JAM3: variants seen among roughly 807,000 people sequenced by gnomAD.
JAM3 encodes junctional adhesion molecule 3.
Under a neutral mutation model 39.4 loss-of-function variants are expected in JAM3, and 31 were observed. That is an observed-to-expected ratio of 0.79 (90% CI 0.59 to 1.06). The LOEUF (loss-of-function observed/expected upper bound fraction) is 1.06. Ranked by LOEUF, JAM3 falls within the 50% of genes least tolerant of loss-of-function variation. JAM3 has a pLI of 0.00. For synonymous variants in JAM3, 182 were observed against 148.7 expected, an observed-to-expected ratio of 1.22 and a Z score of -1.63; for missense variants, 455 against 391.4, an observed-to-expected ratio of 1.16 and a Z score of -1.37.
At chr11:134,109,962 G>C (rs1305113668) in intron 1 of JAM3, among the ~76,000 whole-genome samples, 1 of 152,048 alleles carries the variant, frequency 6.6e-6, no homozygotes, top group Non-Finnish European at 1.5e-5. Context: ...AGTGGGGTCT[G>C]AGTTTTTATT....
intron 1 of JAM3, among the ~76,000 whole-genome samples, chr11:134,112,080 C>T (rs1482299140): frequency 1.3e-5 from 2 of 152,094 alleles, no homozygotes; most frequent in African/African-American, 2.4e-5. Flanking sequence ...ACTTTTATTA[C>T]GGTAAAGCAA....
intron 2 of JAM3, 51 bp downstream of exon 2, chr11:134,139,967 T>C: frequency 1.4e-6 from 2 of 1,391,484 alleles, no homozygotes; most frequent in Non-Finnish European, 2.0e-6. Flanking sequence ...ACTGGACATT[T>C]GATGTCTTGC....
chr11:134,106,717 A>G (rs540781522), intron 1 of JAM3, among the ~76,000 whole-genome samples: 3 of 152,286 alleles, frequency 2.0e-5, no homozygotes. Flanking sequence ...TGCAGCCAAA[A>G]GACACATGAA....
At chr11:134,121,705 T>C (rs1942535570) in intron 1 of JAM3, among the ~76,000 whole-genome samples, 1 of 152,028 alleles carries the variant, frequency 6.6e-6, no homozygotes, top group African/African-American at 2.4e-5. Flanking sequence ...TAAAAGAAAA[T>C]GAGGGCTAAT....
chr11:134,071,506 CT>C (rs1316280567), intron 1 of JAM3, among the ~76,000 whole-genome samples: 1 of 152,164 alleles, frequency 6.6e-6, no homozygotes, highest in Non-Finnish European at 1.5e-5. Context: ...TGCAGTTCAG[CT>C]TTACAAATGT....
intron 5 of JAM3, chr11:134,145,304 T>G (rs1387815176): frequency 8.5e-6 from 4 of 468,584 alleles, no homozygotes; most frequent in Non-Finnish European, 1.6e-5. Context: ...GAAATTGGAT[T>G]ACTAGGTGGT....
chr11:134,144,467 C>G, intron 4 of JAM3, 74 bp downstream of exon 4: 1 of 1,551,538 alleles, frequency 6.4e-7, no homozygotes, highest in Non-Finnish European at 8.9e-7. Flanking sequence ...GGTTTCTTTC[C>G]TTCTAGAACT....
At chr11:134,072,916 A>C (rs920970637) in intron 1 of JAM3, among the ~76,000 whole-genome samples, 2 of 151,504 alleles carry the variant, frequency 1.3e-5, no homozygotes, top group Admixed American at 6.6e-5. Flanking sequence ...GTCTTGGGGG[A>C]AAAAAAAAGA....
chr11:134,105,427 C>T (rs1023398957), intron 1 of JAM3, among the ~76,000 whole-genome samples: 1 of 152,102 alleles, frequency 6.6e-6, no homozygotes, highest in African/African-American at 2.4e-5. Flanking sequence ...GGAAGCATTC[C>T]CTTTGAAAAC....
At chr11:134,120,668 A>T (rs1942513965) in intron 1 of JAM3, among the ~76,000 whole-genome samples, 1 of 152,164 alleles carries the variant, frequency 6.6e-6, no homozygotes, top group South Asian at 2.1e-4. Context: ...TACCACAAGG[A>T]AAGAGGACGG....
chr11:134,119,557 G>A (rs2120765306), intron 1 of JAM3, among the ~76,000 whole-genome samples: 2 of 152,316 alleles, frequency 1.3e-5, no homozygotes, highest in African/African-American at 4.8e-5. Flanking sequence ...GAAAGCTGGT[G>A]AGTTCAGAAT....
chr11:134,106,264 T>G (rs1386468733), intron 1 of JAM3, among the ~76,000 whole-genome samples: 4 of 152,156 alleles, frequency 2.6e-5, no homozygotes, highest in Admixed American at 1.3e-4. Context: ...CCCTATTTAA[T>G]AAATGGTGCT....
intron 1 of JAM3, chr11:134,126,482 A>C (rs1355970682): frequency 6.6e-6 from 1 of 152,284 alleles, no homozygotes. Flanking sequence ...CTGACTGGTA[A>C]GTGCCTGTGC....
intron 1 of JAM3, among the ~76,000 whole-genome samples, chr11:134,117,165 C>A (rs1164587656): frequency 6.6e-6 from 1 of 151,956 alleles, no homozygotes. Context: ...AGTTTGAGAC[C>A]AGCCTGGCTG....
At chr11:134,130,390 T>C (rs979811442) in intron 1 of JAM3, among the ~76,000 whole-genome samples, 1 of 152,160 alleles carries the variant, frequency 6.6e-6, no homozygotes, top group African/African-American at 2.4e-5. Context: ...AGAAACTTCT[T>C]GGGTTCTTAG....
chr11:134,108,270 C>A (rs1364462493), intron 1 of JAM3, among the ~76,000 whole-genome samples: 2 of 151,760 alleles, frequency 1.3e-5, no homozygotes, highest in Non-Finnish European at 2.9e-5. Context: ...CTAACATCTA[C>A]TTTTTAAAAA....
At chr11:134,137,017 G>A (rs1025050522) in intron 1 of JAM3, among the ~76,000 whole-genome samples, 1 of 151,978 alleles carries the variant, frequency 6.6e-6, no homozygotes, top group Non-Finnish European at 1.5e-5. Flanking sequence ...GGAGGCTGAG[G>A]CAGGAGAATG....
intron 3 of JAM3, among the ~76,000 whole-genome samples, chr11:134,141,356 G>A (rs1942969262): frequency 1.3e-5 from 2 of 152,170 alleles, no homozygotes; most frequent in South Asian, 2.1e-4. Context: ...AGGAGAGAAT[G>A]CTGTGTATGA....
chr11:134,123,846 T>A (rs1024727835), intron 1 of JAM3: 1 of 798,924 alleles, frequency 1.3e-6, no homozygotes, highest in African/African-American at 1.7e-5. Context: ...GCAGTGCCCG[T>A]TGGTATCTCT....
Sources: gnomAD v4.1 joint callset for allele counts (sites outside exome capture counted in the v4.1 genomes callset) on GRCh38, gnomAD v4.1.1 for gene constraint, MANE v1.5 for transcripts, NCBI Gene and HGNC (gene_info 2026-07-23, HGNC 2026-07-21) for gene names.